ZNF667: variants seen among roughly 807,000 people sequenced by gnomAD.
ZNF667 encodes zinc finger protein 667.
A neutral mutation model predicts 31.8 loss-of-function variants in ZNF667; 13 were observed. The observed-to-expected ratio is 0.41, with a 90% CI of 0.27 to 0.65. The LOEUF is 0.65. ZNF667 is among the 30% of genes least tolerant of loss of function. The probability of loss-of-function intolerance (pLI) is 0.32; values close to 1 mark genes in which losing one functional copy is unlikely to be tolerated. For synonymous variants in ZNF667, 228 were observed against 247.1 expected (o/e 0.92, Z 0.73); for missense variants, 642 against 725.6 (o/e 0.88, Z 1.32).
At chr19:56,455,713 G>A (rs1417101241) in intron 6 of ZNF667, among the ~76,000 whole-genome samples, 5 of 152,140 alleles carry the variant, frequency 3.3e-5, no homozygotes, top group Non-Finnish European at 7.4e-5. Context: ...AGCACAACTG[G>A]GTGAATACAG....
chr19:56,452,308 C>T (rs368696550), intron 6 of ZNF667, among the ~76,000 whole-genome samples: 53 of 152,172 alleles, frequency 3.5e-4, no homozygotes, highest in African/African-American at 1.3e-3. Context: ...CCTCGGCCTC[C>T]CAAAGTGCTG....
chr19:56,451,551 T>C (rs761910599), intron 6 of ZNF667, among the ~76,000 whole-genome samples: 28 of 152,236 alleles, frequency 1.8e-4, no homozygotes, highest in Middle Eastern at 3.4e-3. Flanking sequence ...CCATGAAATA[T>C]TAGGACACAA....
intron 3 of ZNF667, among the ~76,000 whole-genome samples, chr19:56,469,761 G>A (rs1197848341): frequency 6.6e-6 from 1 of 152,184 alleles, no homozygotes; most frequent in East Asian, 1.9e-4. Flanking sequence ...ACTGTCAACC[G>A]TCCTGAGGAC....
chr19:56,457,208 C>T (rs748150071), intron 6 of ZNF667, among the ~76,000 whole-genome samples: 1 of 152,148 alleles, frequency 6.6e-6, no homozygotes, highest in Non-Finnish European at 1.5e-5. Context: ...GAAAAGAACA[C>T]TTGGAGAAAA....
intron 6 of ZNF667, among the ~76,000 whole-genome samples, chr19:56,457,302 C>G (rs1278898335): frequency 1.3e-5 from 2 of 152,160 alleles, no homozygotes; most frequent in Non-Finnish European, 2.9e-5. Flanking sequence ...GGGCAGTCTA[C>G]ACCTTCTCTG....
At chr19:56,470,251 G>A (rs1018306423) in intron 3 of ZNF667, among the ~76,000 whole-genome samples, 1 of 152,236 alleles carries the variant, frequency 6.6e-6, no homozygotes, top group African/African-American at 2.4e-5. Context: ...CCAGTTCTGT[G>A]GGATGTGAGT....
intron 6 of ZNF667, among the ~76,000 whole-genome samples, chr19:56,443,077 G>A (rs2042650965): frequency 6.6e-6 from 1 of 152,142 alleles, no homozygotes; most frequent in Non-Finnish European, 1.5e-5. Context: ...AGTCTACAGA[G>A]ACAGAAGATA....
At chr19:56,459,948 C>T (rs531596976) in intron 5 of ZNF667, among the ~76,000 whole-genome samples, 3 of 151,782 alleles carry the variant, frequency 2.0e-5, no homozygotes, top group Admixed American at 6.6e-5. Flanking sequence ...GCTGAGATTG[C>T]GCCACTGCAC....
chr19:56,449,538 T>C (rs912658706), intron 6 of ZNF667: 8 of 292,062 alleles, frequency 2.7e-5, no homozygotes, highest in Non-Finnish European at 5.5e-5. Flanking sequence ...AAAAATTAGC[T>C]GGGCATAGTG....
chr19:56,458,265 A>G lies in ZNF667; in HGVS notation c.161-18T>C, dbSNP rs149608345. On this transcript the variant is annotated intron_variant, in intron 5 of 6. Coordinates refer to ENST00000504904, the MANE Select transcript of ZNF667 (RefSeq NM_001321356.2). ...GGAAAGACCTGTACGTGGGACAAAC[A>G]TGGGAAATGATCATAAATGTGGGCA... 115 of 1,609,956 alleles carry G rather than the reference A, an allele frequency of 7.1e-5. No individual in the cohort carries two copies. The African/African-American group carries it at 1.1e-3, about 16-fold the overall frequency.
Position 56,458,216 on chromosome 19 carries a change from G to C in ZNF667, c.192C>G (p.Thr64=), listed in dbSNP as rs1401520108. ...AGGGTGCTTTCCCTTTCTCCAATAAGGTGATCACATTTGGTCTCCGAAAGG... is the reference window on the plus strand; with the variant it reads ...AGGGTGCTTTCCCTTTCTCCAATAACGTGATCACATTTGGTCTCCGAAAGG... The part of the protein sequence containing the change: ...GLSFRRPNVI[T]LLEKGKAPWM... Residue 64 remains threonine, a synonymous_variant, in exon 6 of 7, where the codon ACC becomes ACG. Transcript: ENST00000504904. The C allele has an allele frequency of 6.2e-7, 1 of 1,614,084 alleles. No individual in the cohort carries two copies. The highest frequency in any genetic ancestry group is 1.1e-5 in the South Asian group (1 of 91,078).
intron 6 of ZNF667, among the ~76,000 whole-genome samples, chr19:56,451,794 A>G (rs2042827544): frequency 6.9e-6 from 1 of 144,850 alleles, no homozygotes; most frequent in South Asian, 2.3e-4. Flanking sequence ...GCTTGAGCCT[A>G]GAAGGTTGAG....
chr19:56,477,222 C>A (rs1188569178), intron 1 of ZNF667, 50 bp downstream of exon 1: 2 of 152,136 alleles, frequency 1.3e-5, no homozygotes, highest in African/African-American at 4.8e-5. Flanking sequence ...CAGTGGCGGG[C>A]GCGCCGCCCA....
At position 56,442,740 on chromosome 19, in the gene ZNF667, G is replaced by T; in HGVS notation, c.255C>A (p.Asp85Glu). 6.4e-7 allele frequency: 1 copy of T among 1,554,854 alleles called. No homozygotes were observed. Among genetic ancestry groups the T allele is most frequent in the Non-Finnish European group, 8.6e-7 (1 of 1,157,074 alleles). ...VEPVRRRRAP[D>E]SGSKCETKKL... Reference sequence around the variant, plus strand: ...TCTTGGTCTCACATTTAGACCCCGAGTCTGAAAGACATAAAGGAATTAAAT... The same window carrying T: ...TCTTGGTCTCACATTTAGACCCCGATTCTGAAAGACATAAAGGAATTAAAT... Residue 85 changes from aspartate (D) to glutamate (E), a missense_variant and splice_region_variant, in exon 7 of 7, where the codon GAC becomes GAA. Coordinates refer to ENST00000504904, the MANE Select transcript of ZNF667 (RefSeq NM_001321356.2).
intron 4 of ZNF667, among the ~76,000 whole-genome samples, chr19:56,461,773 A>C (rs1051907109): frequency 2.0e-5 from 3 of 152,260 alleles, no homozygotes; most frequent in African/African-American, 7.2e-5. Flanking sequence ...ACAGTCGTGG[A>C]GCATGCTGAC....
chr19:56,470,569 T>C (rs753317610), intron 3 of ZNF667, among the ~76,000 whole-genome samples: 2 of 152,142 alleles, frequency 1.3e-5, no homozygotes, highest in Non-Finnish European at 2.9e-5. Context: ...CCGCACACTC[T>C]GCACTCCTCA....
At chr19:56,462,937 G>T (rs1391887520) in intron 3 of ZNF667, among the ~76,000 whole-genome samples, 2 of 152,194 alleles carry the variant, frequency 1.3e-5, no homozygotes, top group Non-Finnish European at 2.9e-5. Flanking sequence ...TTGAGCTGAG[G>T]TCTAAATATG....
chr19:56,447,509 C>G (rs1199210294), intron 6 of ZNF667, among the ~76,000 whole-genome samples: 5 of 151,988 alleles, frequency 3.3e-5, no homozygotes, highest in Non-Finnish European at 7.4e-5. Context: ...TGCTTGAGCC[C>G]AGGAGTTTAA....
intron 5 of ZNF667, among the ~76,000 whole-genome samples, chr19:56,460,127 T>C (rs1221295789): frequency 2.0e-5 from 3 of 152,192 alleles, no homozygotes; most frequent in African/African-American, 4.8e-5. Context: ...TATATGTTCA[T>C]AGCAGCATAT....
Sources: allele counts gnomAD v4.1 joint callset (sites outside exome capture counted in the v4.1 genomes callset), GRCh38; gene constraint gnomAD v4.1.1; transcripts MANE v1.5; gene names NCBI Gene and HGNC (gene_info 2026-07-23, HGNC 2026-07-21).